ELK1: variants seen among roughly 807,000 people sequenced by gnomAD.
ELK1 encodes ETS transcription factor ELK1, also known as ETS domain-containing protein Elk-1.
For missense variants in ELK1, 254 were observed against 381.5 expected (o/e 0.67, Z 2.78); for synonymous variants, 163 against 176.3 (o/e 0.92, Z 0.60).
intron 2 of ELK1, among the ~76,000 whole-genome samples, chrX:47,642,913 TTC>T (rs1336927706): frequency 4.5e-5 from 5 of 111,772 alleles, no homozygotes; most frequent in Non-Finnish European, 7.5e-5. Flanking sequence ...GCCCTGAATA[TTC>T]TCTTTCTTGA....
Position 47,637,928 on chromosome X carries a change from G to A in ELK1, c.909C>T (p.Ser303=), listed in dbSNP as rs2058014957. The A allele has an allele frequency of 2.1e-5, 25 of 1,203,566 alleles. No homozygotes were observed. The highest frequency in any genetic ancestry group is 2.7e-5 in the Non-Finnish European group (24 of 892,567). Reference sequence around the variant, plus strand: ...TCTGCGGCTGGGAGATCTCAGGGCTGGAAGCCGCATGGCCGCCCGCCTGCC... The same window carrying A: ...TCTGCGGCTGGGAGATCTCAGGGCTAGAAGCCGCATGGCCGCCCGCCTGCC... ...TAGQAGGHAA[S]SPEISQPQKG... Residue 303 remains serine, a synonymous_variant, in exon 5 of 7, where the codon TCC becomes TCT. Coordinates refer to ENST00000376983, the MANE Select transcript of ELK1 (RefSeq NM_001114123.3).
In ELK1 at chrX:47,636,819, G is replaced by C; in HGVS notation, c.*10C>G. 8.8e-7 allele frequency: 1 copy of C among 1,133,142 alleles called. No individual in the cohort carries two copies. The highest frequency in any genetic ancestry group is 1.2e-6 in the Non-Finnish European group (1 of 851,964). The allele number at this position is 1,133,142 out of a possible 1,213,427, so 93.4% of individuals were successfully genotyped here. ...GACCCCAGAAGGGGTGGTGGTGGTG[G>C]TGGTAGTAGTCATGGCTTCTGGGGC... On this transcript the variant is annotated 3_prime_UTR_variant, in exon 7 of 7. Coordinates refer to ENST00000376983, the MANE Select transcript of ELK1 (RefSeq NM_001114123.3).
At chrX:47,648,206 TATCCTCCCACCTC>T (rs2058049479) in intron 2 of ELK1, among the ~76,000 whole-genome samples, 1 of 110,077 alleles carries the variant, frequency 9.1e-6, no homozygotes, top group Non-Finnish European at 1.9e-5. Context: ...GGGCTCAAGC[TATCCTCCCACCTC>T]AGCCTCCCGA....
chrX:47,645,801 C>T (rs962604365), intron 2 of ELK1, among the ~76,000 whole-genome samples: 2 of 112,125 alleles, frequency 1.8e-5, no homozygotes, highest in African/African-American at 6.5e-5. Flanking sequence ...ACACAATCAT[C>T]GCATTCCAGG....
chrX:47,645,473 G>A (rs1435439951), intron 2 of ELK1, among the ~76,000 whole-genome samples: 2 of 111,837 alleles, frequency 1.8e-5, no homozygotes, highest in South Asian at 7.4e-4. Flanking sequence ...GTGAGCAATC[G>A]CCTTACACCA....
chrX:47,649,838 G>A (rs1337535561), intron 2 of ELK1, 83 bp downstream of exon 2: 2 of 99,617 alleles, frequency 2.0e-5, no homozygotes, highest in South Asian at 1.1e-3. Flanking sequence ...GGTGGTGGGG[G>A]GGGGGGGTGG....
At chrX:47,639,386 C>T in intron 3 of ELK1, 48 bp from the exon 4 acceptor site, 3 of 1,000,316 alleles carry the variant, frequency 3.0e-6, no homozygotes, top group South Asian at 2.0e-5. Context: ...AAGGGGCAGG[C>T]TGGAGGCAGG....
Position 47,638,833 on chromosome X carries a change from G to A in ELK1, c.654+62C>T, listed in dbSNP as rs2058018515. 4 of 1,121,926 alleles carry A rather than the reference G, an allele frequency of 3.6e-6. No homozygotes were observed. In the Admixed American group the frequency reaches 7.7e-5, roughly 22 times the overall value. 92.5% of individuals were successfully genotyped at this position (1,121,926 alleles called of 1,213,427 possible). A position where few individuals can be genotyped will look rare whatever the true frequency, so the allele number is the denominator to read the frequency against. On this transcript the variant is annotated intron_variant, in intron 4 of 6. Transcript: ENST00000376983. ...TCTACCAGCCTCCCTCGTCATCCGGGGATTACACATCCCTCCTCTTTACTG... is the reference window on the plus strand; with the variant it reads ...TCTACCAGCCTCCCTCGTCATCCGGAGATTACACATCCCTCCTCTTTACTG...
chrX:47,639,620 T>C (rs932029388), intron 3 of ELK1, among the ~76,000 whole-genome samples: 8 of 111,767 alleles, frequency 7.2e-5, no homozygotes, highest in Non-Finnish European at 1.5e-4. Flanking sequence ...TAATTTTTTC[T>C]TTAAGCCCCT....
chrX:47,640,413 GA>G lies in ELK1; in HGVS notation c.210+818del, dbSNP rs201180869. Reference sequence around the variant, plus strand: ...TCACAGGGTGGGCCTGTGTTTCTCGGAAGAGGAATAAAAAGGGATATTCATG... The same window carrying G: ...TCACAGGGTGGGCCTGTGTTTCTCGGAGAGGAATAAAAAGGGATATTCATG... On this transcript the variant is annotated intron_variant, in intron 3 of 6. Coordinates refer to ENST00000376983, the MANE Select transcript of ELK1 (RefSeq NM_001114123.3). Among the ~76,000 whole-genome samples, 1,017 of 111,537 alleles carry G rather than the reference GA, an allele frequency of 9.1e-3. 18 individuals are homozygous for G. Among genetic ancestry groups the G allele is most frequent in the African/African-American group, 0.032 (966 of 30,605 alleles).
intron 2 of ELK1, among the ~76,000 whole-genome samples, chrX:47,644,197 C>A (rs1051720230): frequency 1.8e-5 from 2 of 112,008 alleles, no homozygotes; most frequent in African/African-American, 6.5e-5. Flanking sequence ...TCAGCTGCAA[C>A]AGAACCTATC....
chrX:47,637,313 C>T (rs1301720913), intron 5 of ELK1, among the ~76,000 whole-genome samples, 199 bp from the exon 6 acceptor site: 3 of 110,489 alleles, frequency 2.7e-5, no homozygotes, highest in Non-Finnish European at 5.7e-5. Flanking sequence ...ACTCCCCACT[C>T]CCGAGAGCCC....
At position 47,639,142 on chromosome X, in the gene ELK1, C is replaced by A. The variant is rs1321143986; in HGVS notation, c.407G>T (p.Gly136Val). 3 of 1,207,367 alleles carry A rather than the reference C, an allele frequency of 2.5e-6. No homozygotes were observed. The East Asian group carries it at 8.9e-5, about 36-fold the overall frequency. Reference protein sequence around the residue: ...TVSGKPGTPKGAGMAGPGGLA... With the variant: ...TVSGKPGTPKVAGMAGPGGLA... ...ACCGCCTGGGCCTGCCATTCCTGCA[C>A]CCTTGGGTGTGCCTGGCTTTCCAGA... Residue 136 changes from glycine to valine, a missense_variant, in exon 4 of 7, where the codon GGT becomes GTT. Physicochemically the swap from Gly to Val is moderately radical, Grantham distance 109 (BLOSUM62 -3). Coordinates refer to ENST00000376983, the MANE Select transcript of ELK1 (RefSeq NM_001114123.3).
chrX:47,640,782 G>A (rs1198065458), intron 3 of ELK1, among the ~76,000 whole-genome samples: 1 of 111,841 alleles, frequency 8.9e-6, no homozygotes, highest in Non-Finnish European at 1.9e-5. Context: ...TACTGTCAGG[G>A]AGGTTTTGAT....
intron 2 of ELK1, among the ~76,000 whole-genome samples, chrX:47,649,714 ACC>A (rs1008278684): frequency 3.7e-5 from 4 of 108,116 alleles, no homozygotes; most frequent in Non-Finnish European, 7.6e-5. Context: ...AAAGGAGAGA[ACC>A]CCAAGCGCTA....
chrX:47,641,448 G>C lies in ELK1; in HGVS notation c.-7C>G. 2.5e-6 allele frequency: 3 copies of C among 1,205,239 alleles called. No homozygotes were observed. The highest frequency in any genetic ancestry group is 3.4e-6 in the Non-Finnish European group (3 of 891,806). On this transcript the variant is annotated 5_prime_UTR_variant, in exon 3 of 7. Coordinates refer to ENST00000376983, the MANE Select transcript of ELK1 (RefSeq NM_001114123.3). ...GCGTCACAGATGGGTCCATCGCTGG[G>C]GGAGTGCTCACGCCATCCCAGGGGT...
intron 2 of ELK1, among the ~76,000 whole-genome samples, chrX:47,642,316 T>G (rs2147943380): frequency 8.9e-6 from 1 of 112,512 alleles, no homozygotes; most frequent in South Asian, 3.6e-4. Flanking sequence ...TGTGATTATT[T>G]GTTACAGCAA....
At chrX:47,637,186 C>T (rs1442157969) in intron 5 of ELK1, 72 bp from the exon 6 acceptor site, 98 of 1,007,914 alleles carry the variant, frequency 9.7e-5, no homozygotes, top group Non-Finnish European at 1.3e-4. Flanking sequence ...GACTTGGTCC[C>T]GGCCCCACCA....
intron 3 of ELK1, 105 bp from the exon 4 acceptor site, chrX:47,639,443 G>C: frequency 2.8e-6 from 2 of 725,060 alleles, no homozygotes; most frequent in Non-Finnish European, 4.2e-6. Flanking sequence ...TCTTCTCCTA[G>C]TGGCTTTCTT....
Sources: gnomAD v4.1 joint callset for allele counts (sites outside exome capture counted in the v4.1 genomes callset) on GRCh38, gnomAD v4.1.1 for gene constraint, MANE v1.5 for transcripts, NCBI Gene and HGNC (gene_info 2026-07-23, HGNC 2026-07-21) for gene names.